Variants in MAP3K4 observed in about 807,000 individuals in gnomAD.
The protein encoded by MAP3K4 is mitogen-activated protein kinase kinase kinase 4.
In MAP3K4, 67 loss-of-function variants were observed where a neutral mutation model predicts 185.6. That is an observed-to-expected ratio of 0.36 (90% CI 0.30 to 0.44). The LOEUF is 0.44. MAP3K4 is among the 20% of genes least tolerant of loss of function. The pLI is 1.00. For missense variants in MAP3K4, 1,551 were observed against 1,995.1 expected (o/e 0.78, Z 4.24); for synonymous variants, 702 against 710.4 (o/e 0.99, Z 0.19).
intron 1 of MAP3K4, among the ~76,000 whole-genome samples, chr6:161,020,429 G>A (rs546377128): frequency 3.3e-5 from 5 of 152,254 alleles, no homozygotes; most frequent in African/African-American, 1.2e-4. Flanking sequence ...GGAGGCCGAG[G>A]TGGGCAGATC....
chr6:161,010,885 CT>C (rs1169201497), intron 1 of MAP3K4, among the ~76,000 whole-genome samples: 2 of 151,948 alleles, frequency 1.3e-5, no homozygotes, highest in Non-Finnish European at 1.5e-5. Flanking sequence ...TTTGGGTGTG[CT>C]TTTTTTTGAT....
Position 161,064,054 on chromosome 6 carries a change from G to A in MAP3K4, c.1708-6554G>A, listed in dbSNP as rs990366208. 1.3e-5 allele frequency among the ~76,000 whole-genome samples: 2 copies of A among 151,980 alleles called. No homozygotes were observed. Among genetic ancestry groups the A allele is most frequent in the Non-Finnish European group, 2.9e-5 (2 of 68,006 alleles). On this transcript the variant is annotated intron_variant, in intron 3 of 26. Transcript: ENST00000392142. This position sits in a 1 kb window ranked among gnomAD's most constrained non-coding sequence, Gnocchi z 4.3. Reference sequence around the variant, plus strand: ...CCTCATTGCTCCATTTTTATGAGAGGGCGTTGAAGGGAAATTGAAACCCTG... The same window carrying A: ...CCTCATTGCTCCATTTTTATGAGAGAGCGTTGAAGGGAAATTGAAACCCTG...
chr6:161,074,946 C>G lies in MAP3K4; in HGVS notation c.2097+1334C>G, dbSNP rs1475095835. ...TTCCCCTGCCTTTTGTTGACCAGAC[C>G]TGTTGCATGGCCTCACTGTTGCCAT... On this transcript the variant is annotated intron_variant, in intron 5 of 26. Coordinates refer to ENST00000392142, the MANE Select transcript of MAP3K4 (RefSeq NM_005922.4). The surrounding 1 kb of genome is among the most constrained non-coding windows in gnomAD (Gnocchi z 5.0). Among the ~76,000 whole-genome samples, 1 of 152,184 alleles carries G rather than the reference C, an allele frequency of 6.6e-6. No individual in the cohort carries two copies. Among genetic ancestry groups the G allele is most frequent in the Admixed American group, 6.5e-5 (1 of 15,282 alleles).
In MAP3K4 at chr6:161,108,764, C is replaced by A; in HGVS notation, c.4141C>A (p.His1381Asn). ...ACAGATTCGATTTCAACCTAATGAC[C>A]ATAAGACTATCAAGGAAACTGCAGA... ...MKEIRFQPND[H>N]KTIKETADEL... is the part of the protein sequence containing the mutation. Residue 1381 changes from histidine (H) to asparagine (N), a missense_variant, in exon 22 of 27, where the codon CAT becomes AAT. Around this residue, in one of 16 missense-constraint regions of MAP3K4, gnomAD observed 159 missense variants for 300.5 expected, o/e 0.53. Transcript: ENST00000392142. The surrounding 1 kb of genome is among the most constrained non-coding windows in gnomAD (Gnocchi z 5.7). 6.2e-7 allele frequency: 1 copy of A among 1,612,824 alleles called. No homozygotes were observed. Among genetic ancestry groups the A allele is most frequent in the Non-Finnish European group, 8.5e-7 (1 of 1,178,870 alleles).
Position 161,048,251 on chromosome 6 carries a change from C to T in MAP3K4, c.344-365C>T, listed in dbSNP as rs540032575. The T allele has an allele frequency of 1.2e-4, 66 of 542,460 alleles. No homozygotes were observed. The highest frequency in any genetic ancestry group is 6.4e-4 in the East Asian group (12 of 18,774). 33.6% of individuals were successfully genotyped at this position (542,460 alleles called of 1,614,324 possible). ...AAATATATTTTCTCATCCAGGTGTCCGTCAGATCTCCCATGCTGTTTCTTC... is the reference window on the plus strand; with the variant it reads ...AAATATATTTTCTCATCCAGGTGTCTGTCAGATCTCCCATGCTGTTTCTTC... On this transcript the variant is annotated intron_variant, in intron 2 of 26. Transcript: ENST00000392142. This position sits in a 1 kb window ranked among gnomAD's most constrained non-coding sequence, Gnocchi z 4.7.
At position 161,108,971 on chromosome 6, in the gene MAP3K4, T is replaced by C. The variant is rs1476495920; in HGVS notation, c.4236+112T>C. 1 of 1,610,034 alleles carries C rather than the reference T, an allele frequency of 6.2e-7. No individual in the cohort carries two copies. The highest frequency in any genetic ancestry group is 1.7e-5 in the Admixed American group (1 of 59,950). On this transcript the variant is annotated intron_variant, in intron 22 of 26. Transcript: ENST00000392142. The surrounding 1 kb of genome is among the most constrained non-coding windows in gnomAD (Gnocchi z 5.7). Reference sequence around the variant, plus strand: ...TTCAGAGCACAGTAACTTTGCCTAATTCTCAGGAAATCTCCATGAGTTACA... The same window carrying C: ...TTCAGAGCACAGTAACTTTGCCTAACTCTCAGGAAATCTCCATGAGTTACA...
chr6:161,081,271 GA>G (rs1242389387), intron 6 of MAP3K4, among the ~76,000 whole-genome samples: 4 of 149,658 alleles, frequency 2.7e-5, no homozygotes, highest in African/African-American at 9.9e-5. Context: ...TCATGACTGG[GA>G]AGATGCTCCT....
intron 3 of MAP3K4, among the ~76,000 whole-genome samples, chr6:161,069,589 G>T (rs1784846284): frequency 6.6e-6 from 1 of 152,134 alleles, no homozygotes; most frequent in Non-Finnish European, 1.5e-5. Context: ...GTCGGGGGCA[G>T]CACTTGGAAG....
rs1784016245 is a variant in MAP3K4, at chr6:161,051,849, T to C, written c.1707+1870T>C. On this transcript the variant is annotated intron_variant, in intron 3 of 26. Coordinates refer to ENST00000392142, the MANE Select transcript of MAP3K4 (RefSeq NM_005922.4). This position sits in a 1 kb window ranked among gnomAD's most constrained non-coding sequence, Gnocchi z 4.2. ...TGTTATACTGTATCTTTTTTGTTTG[T>C]ATTATTACTATTACTGTTTTAGAGA... 6.6e-6 allele frequency among the ~76,000 whole-genome samples: 1 copy of C among 152,236 alleles called. No individual in the cohort carries two copies. The highest frequency in any genetic ancestry group is 2.4e-5 in the African/African-American group (1 of 41,460).
chr6:161,101,381 T>C lies in MAP3K4; in HGVS notation c.3675-511T>C, dbSNP rs982095659. ...CATGAAATGATTTTAGTACTTTAAATGTAATTAAGTACATAAATATAATTT... is the reference window on the plus strand; with the variant it reads ...CATGAAATGATTTTAGTACTTTAAACGTAATTAAGTACATAAATATAATTT... On this transcript the variant is annotated intron_variant, in intron 17 of 26. Coordinates refer to ENST00000392142, the MANE Select transcript of MAP3K4 (RefSeq NM_005922.4). The surrounding 1 kb of genome is among the most constrained non-coding windows in gnomAD (Gnocchi z 5.1). 1.3e-5 allele frequency: 2 copies of C among 151,200 alleles called. No individual in the cohort carries two copies. The highest frequency in any genetic ancestry group is 2.9e-5 in the Non-Finnish European group (2 of 68,054). The allele number at this position is 151,200 out of a possible 1,614,324, so 9.4% of individuals were successfully genotyped here. A position where few individuals can be genotyped will look rare whatever the true frequency, so the allele number is the denominator to read the frequency against.
intron 1 of MAP3K4, among the ~76,000 whole-genome samples, chr6:161,005,988 A>G (rs147233582): frequency 2.6e-5 from 4 of 152,312 alleles, no homozygotes; most frequent in South Asian, 4.1e-4. Context: ...GGGTTTTGCC[A>G]TCTTGGCCAG....
rs111602942 is a variant in MAP3K4 at position 161,077,254 on chromosome 6, G to T, written c.2098-3627G>T. 6.6e-6 allele frequency among the ~76,000 whole-genome samples: 1 copy of T among 151,992 alleles called. No homozygotes were observed. The highest frequency in any genetic ancestry group is 1.5e-5 in the Non-Finnish European group (1 of 68,014). Reference sequence around the variant, plus strand: ...GAACAAAGGAGAAACTAACTTTCTGGTACCTTATTTCTTATTGAAAAAAAT... The same window carrying T: ...GAACAAAGGAGAAACTAACTTTCTGTTACCTTATTTCTTATTGAAAAAAAT... On this transcript the variant is annotated intron_variant, in intron 5 of 26. Transcript: ENST00000392142. This position sits in a 1 kb window ranked among gnomAD's most constrained non-coding sequence, Gnocchi z 4.3.
Position 161,087,272 on chromosome 6 carries a change from C to A in MAP3K4, c.2557-416C>A, listed in dbSNP as rs1449088434. On this transcript the variant is annotated intron_variant, in intron 9 of 26. Coordinates refer to ENST00000392142, the MANE Select transcript of MAP3K4 (RefSeq NM_005922.4). This position sits in a 1 kb window ranked among gnomAD's most constrained non-coding sequence, Gnocchi z 4.9. ...TCTCAAGGAGCCTTCTTGTGATGAA[C>A]CCCTGGCTCCCTGCCCTGGAATAAT... Among the ~76,000 whole-genome samples the A allele has an allele frequency of 3.3e-5, 5 of 152,344 alleles. No homozygotes were observed. The highest frequency in any genetic ancestry group is 3.3e-4 in the Admixed American group (5 of 15,302).
intron 2 of MAP3K4, among the ~76,000 whole-genome samples, chr6:161,035,720 TTTC>T (rs1783133797): frequency 6.6e-6 from 1 of 152,218 alleles, no homozygotes; most frequent in South Asian, 2.1e-4. Flanking sequence ...ACTATAGAAG[TTTC>T]TTATCTATGG....
rs1784956818 is a variant in MAP3K4, at chr6:161,071,833, C to G, written c.1950+983C>G. 1.3e-5 allele frequency among the ~76,000 whole-genome samples: 2 copies of G among 152,312 alleles called. No individual in the cohort carries two copies. Among genetic ancestry groups the G allele is most frequent in the South Asian group, 4.1e-4 (2 of 4,826 alleles). ...CTGTCCACTTTGGCCTTGCTTTTAA[C>G]TCATCCTCATAATCGCAGTGGTTAT... On this transcript the variant is annotated intron_variant, in intron 4 of 26. Coordinates refer to ENST00000392142, the MANE Select transcript of MAP3K4 (RefSeq NM_005922.4). This position sits in a 1 kb window ranked among gnomAD's most constrained non-coding sequence, Gnocchi z 4.6.
chr6:161,091,660 CATCTT>C lies in MAP3K4; in HGVS notation c.3135+123_3135+127del. The C allele has an allele frequency of 1.2e-6, 1 of 843,244 alleles. No homozygotes were observed. Among genetic ancestry groups the C allele is most frequent in the South Asian group, 1.8e-5 (1 of 56,582 alleles). The allele number at this position is 843,244 out of a possible 1,614,324, so 52.2% of individuals were successfully genotyped here. A position where few individuals can be genotyped will look rare whatever the true frequency, so the allele number is the denominator to read the frequency against. ...GTAATCATAGCTTAATCAAGAATAT[CATCTT>C]ATATCACTGCTGTATATCAGAGATG... On this transcript the variant is annotated intron_variant, in intron 12 of 26. Transcript: ENST00000392142. This position sits in a 1 kb window ranked among gnomAD's most constrained non-coding sequence, Gnocchi z 5.5.
At chr6:161,102,058 T>G in intron 18 of MAP3K4, 66 bp downstream of exon 18, 1 of 1,319,074 alleles carries the variant, frequency 7.6e-7, no homozygotes, top group African/African-American at 1.5e-5. Flanking sequence ...TTCACCAGTT[T>G]CTGTTGTTAA....
chr6:161,048,166 G>GATAATTT lies in MAP3K4; in HGVS notation c.344-448_344-442dup, dbSNP rs1197933707. On this transcript the variant is annotated intron_variant, in intron 2 of 26. Coordinates refer to ENST00000392142, the MANE Select transcript of MAP3K4 (RefSeq NM_005922.4). The surrounding 1 kb of genome is among the most constrained non-coding windows in gnomAD (Gnocchi z 4.7). Reference sequence around the variant, plus strand: ...TTTTATCAATGAGAAAAGTAATCCAGATAATTTACGTGATTTCCTCTTAAG... The same window carrying GATAATTT: ...TTTTATCAATGAGAAAAGTAATCCAGATAATTTATAATTTACGTGATTTCCTCTTAAG... The GATAATTT allele has an allele frequency of 2.0e-6, 1 of 491,426 alleles. No homozygotes were observed. 30.4% of individuals were successfully genotyped at this position (491,426 alleles called of 1,614,324 possible). A position where few individuals can be genotyped will look rare whatever the true frequency, so the allele number is the denominator to read the frequency against.
chr6:161,109,878 C>T lies in MAP3K4; in HGVS notation c.4360C>T (p.Leu1454Phe). ...SKQITIAINV[L>F]HEHGIVHRDI... The stretch of plus-strand genomic sequence containing the variant: ...GCAGATCACCATTGCGATCAACGTC[C>T]TCCATGAGCATGGCATAGTCCACCG... Residue 1454 changes from leucine (L) to phenylalanine (F), a missense_variant, in exon 23 of 27, where the codon CTC becomes TTC. Leu to Phe is a conservative substitution (Grantham distance 22). Transcript: ENST00000392142. This position sits in a 1 kb window ranked among gnomAD's most constrained non-coding sequence, Gnocchi z 5.7. The T allele has an allele frequency of 6.2e-7, 1 of 1,614,152 alleles. No homozygotes were observed. The highest frequency in any genetic ancestry group is 8.5e-7 in the Non-Finnish European group (1 of 1,180,034).
Sources: gnomAD v4.1 joint callset for allele counts (sites outside exome capture counted in the v4.1 genomes callset) on GRCh38, gnomAD v4.1.1 for gene constraint, gnomAD v4.1.1 regional missense constraint, Gnocchi (gnomAD v3.1) non-coding constraint, MANE v1.5 for transcripts, NCBI Gene and HGNC (gene_info 2026-07-23, HGNC 2026-07-21) for gene names.